RASAL2: variants seen among roughly 807,000 people sequenced by gnomAD.
RASAL2 encodes the protein RAS protein activator like 2.
In RASAL2, 58 loss-of-function variants were observed where a neutral mutation model predicts 128.9. The ratio of observed to expected loss-of-function variants is 0.45; its 90% CI spans 0.36 to 0.56. The LOEUF (loss-of-function observed/expected upper bound fraction) is 0.56. Ranked by LOEUF, RASAL2 falls within the 20% of genes least tolerant of loss-of-function variation. The pLI, the probability that RASAL2 is intolerant of heterozygous loss-of-function variation, is 0.00. For missense variants in RASAL2, 1,360 were observed against 1,601.6 expected (o/e 0.85, Z 2.57); for synonymous variants, 561 against 580.8 (o/e 0.97, Z 0.49).
intron 3 of RASAL2, among the ~76,000 whole-genome samples, chr1:178,336,445 G>A (rs1034534191): frequency 6.6e-6 from 1 of 151,832 alleles, no homozygotes; most frequent in Admixed American, 6.6e-5. Flanking sequence ...TCTTTAAAAC[G>A]AAGGCAAAAC....
chr1:178,164,262 T>A (rs1661434628), intron 1 of RASAL2, among the ~76,000 whole-genome samples: 1 of 152,142 alleles, frequency 6.6e-6, no homozygotes, highest in South Asian at 2.1e-4. Context: ...TAGGGGCTGG[T>A]CAAAAATGCG....
intron 1 of RASAL2, among the ~76,000 whole-genome samples, chr1:178,193,252 G>A (rs963234557): frequency 1.3e-5 from 2 of 152,092 alleles, no homozygotes; most frequent in African/African-American, 4.8e-5. Context: ...TCTCCTAGCA[G>A]CATAATGCTC....
intron 1 of RASAL2, among the ~76,000 whole-genome samples, chr1:178,167,602 AACT>A (rs1346928219): frequency 6.6e-6 from 1 of 152,100 alleles, no homozygotes; most frequent in African/African-American, 2.4e-5. Flanking sequence ...TCCAAAACTT[AACT>A]ACTAATAGCC....
At chr1:178,165,003 TTTATA>T (rs1234887938) in intron 1 of RASAL2, among the ~76,000 whole-genome samples, 89 of 152,206 alleles carry the variant, frequency 5.8e-4, no homozygotes, top group African/African-American at 2.0e-3. Flanking sequence ...TTACATTGCA[TTTATA>T]TTATATTAGT....
intron 1 of RASAL2, among the ~76,000 whole-genome samples, chr1:178,155,213 G>GC (rs1016087267): frequency 2.6e-5 from 4 of 152,024 alleles, no homozygotes; most frequent in African/African-American, 9.7e-5. Context: ...TTCTTCTATT[G>GC]CCCCAGGGGT....
intron 1 of RASAL2, among the ~76,000 whole-genome samples, chr1:178,150,856 T>G (rs1183423540): frequency 2.6e-5 from 4 of 152,168 alleles, no homozygotes; most frequent in African/African-American, 9.7e-5. Context: ...TCTGCCTTAT[T>G]ATTTCAGCTG....
chr1:178,337,623 G>GT (rs371755396), intron 3 of RASAL2, among the ~76,000 whole-genome samples: 30 of 152,152 alleles, frequency 2.0e-4, no homozygotes, highest in African/African-American at 6.5e-4. Context: ...TATAACCTCA[G>GT]TTGGTTTGCT....
At position 178,094,485 on chromosome 1, in the gene RASAL2, G is replaced by A. The variant is rs541767913; in HGVS notation, c.-8G>A. ...CGCCGCCTCGTCCCCCTCCCGCCTC[G>A]GGGCACCATGGAGCTCTCTCCGTCG... On this transcript the variant is annotated 5_prime_UTR_variant, in exon 1 of 18. Transcript: ENST00000367649. 1.2e-5 allele frequency: 19 copies of A among 1,543,126 alleles called. No individual in the cohort carries two copies. The highest frequency in any genetic ancestry group is 1.7e-5 in the Non-Finnish European group (19 of 1,144,622).
chr1:178,181,777 GT>G lies in RASAL2; in HGVS notation c.202+87096del, dbSNP rs59729199. Among the ~76,000 whole-genome samples the G allele has an allele frequency of 2.4e-3, 337 of 142,236 alleles. 1 individual carries two copies. The highest frequency in any genetic ancestry group is 6.2e-3 in the African/African-American group (242 of 38,952). The allele number at this position is 142,236 out of a possible 152,430, so 93.3% of individuals were successfully genotyped here. ...AAAAGTACCTCAACTGGGATTTGCAGTTTTTTTTTTTTTAATCATAGTTAGA... is the reference window on the plus strand; with the variant it reads ...AAAAGTACCTCAACTGGGATTTGCAGTTTTTTTTTTTTAATCATAGTTAGA... On this transcript the variant is annotated intron_variant, in intron 1 of 17. Coordinates refer to ENST00000367649, the MANE Select transcript of RASAL2 (RefSeq NM_170692.4).
intron 1 of RASAL2, among the ~76,000 whole-genome samples, chr1:178,162,712 C>G (rs1359056117): frequency 6.7e-6 from 1 of 150,302 alleles, no homozygotes; most frequent in Non-Finnish European, 1.5e-5. Context: ...CTCAGCCTCT[C>G]AAGTAGCTAG....
At chr1:178,337,330 C>G (rs1160851970) in intron 3 of RASAL2, among the ~76,000 whole-genome samples, 1 of 152,136 alleles carries the variant, frequency 6.6e-6, no homozygotes, top group East Asian at 1.9e-4. Flanking sequence ...GTGCTGGCAT[C>G]CCATCATACA....
chr1:178,452,700 C>T (rs753639946), intron 11 of RASAL2, 48 bp downstream of exon 11: 2 of 1,486,238 alleles, frequency 1.3e-6, no homozygotes, highest in Admixed American at 1.7e-5. Flanking sequence ...TTAAAAAATA[C>T]TTGAGGCCTA....
At chr1:178,113,381 T>G (rs1318623681) in intron 1 of RASAL2, among the ~76,000 whole-genome samples, 2 of 152,120 alleles carry the variant, frequency 1.3e-5, no homozygotes, top group Non-Finnish European at 2.9e-5. Flanking sequence ...TGATCATTAC[T>G]GTAGCTTTGA....
intron 4 of RASAL2, among the ~76,000 whole-genome samples, chr1:178,402,742 A>G (rs1572009793): frequency 6.6e-6 from 1 of 152,108 alleles, no homozygotes; most frequent in Non-Finnish European, 1.5e-5. Context: ...TAAGAATTTT[A>G]TCTTTTTCAA....
At chr1:178,407,468 CA>C (rs1674068893) in intron 4 of RASAL2, among the ~76,000 whole-genome samples, 1 of 152,010 alleles carries the variant, frequency 6.6e-6, no homozygotes, top group African/African-American at 2.4e-5. Flanking sequence ...CATGATAAAA[CA>C]AATATGTAAA....
At chr1:178,462,745 A>G (rs1248374516) in intron 14 of RASAL2, among the ~76,000 whole-genome samples, 4 of 152,192 alleles carry the variant, frequency 2.6e-5, no homozygotes, top group African/African-American at 9.6e-5. Context: ...GTGGCTGAAA[A>G]TAAGATTTGA....
intron 1 of RASAL2, among the ~76,000 whole-genome samples, chr1:178,194,179 C>T (rs1662584391): frequency 6.6e-6 from 1 of 152,210 alleles, no homozygotes; most frequent in Non-Finnish European, 1.5e-5. Context: ...TCCTGAGCAA[C>T]ATCTCATTAC....
intron 4 of RASAL2, among the ~76,000 whole-genome samples, chr1:178,392,280 C>T (rs543725833): frequency 3.9e-4 from 59 of 152,230 alleles, no homozygotes; most frequent in African/African-American, 1.3e-3. Flanking sequence ...AGCAGAGTTT[C>T]AAAGTCTGAA....
chr1:178,381,606 A>G (rs1672292038), intron 3 of RASAL2, among the ~76,000 whole-genome samples: 2 of 151,892 alleles, frequency 1.3e-5, no homozygotes, highest in South Asian at 4.2e-4. Flanking sequence ...TCTTTTTTTA[A>G]TGTCCTCTAT....
Sources: allele counts gnomAD v4.1 joint callset (sites outside exome capture counted in the v4.1 genomes callset), GRCh38; gene constraint gnomAD v4.1.1; transcripts MANE v1.5; gene names NCBI Gene and HGNC (gene_info 2026-07-23, HGNC 2026-07-21).